Variants in KCNQ1OT1 observed in about 807,000 individuals in gnomAD.
KCNQ1OT1 encodes KCNQ1 antisense RNA 2 (non-protein coding).
At chr11:2,632,851 ACT>A in exon 1 of KCNQ1OT1, 1 of 398,408 alleles carries the variant, frequency 2.5e-6, no homozygotes, top group Non-Finnish European at 4.4e-6. Context: ...CCATATCTTA[ACT>A]GTTGTGAACA....
rs77041520 is a variant in KCNQ1OT1, at chr11:2,686,968, G to C, written n.13027C>G. On this transcript the variant is annotated non_coding_transcript_exon_variant, in exon 1 of 1. Transcript: ENST00000597346. ...ATGCCCAGCTTACCATCCTGATGCA[G>C]AGGCAAGGACAACACTGGGCCCTGA... 5.3e-5 allele frequency: 21 copies of C among 398,560 alleles called. No homozygotes were observed. In the East Asian group the frequency reaches 7.1e-4, roughly 14 times the overall value. The allele number at this position is 398,560 out of a possible 1,614,324, so 24.7% of individuals were successfully genotyped here.
chr11:2,645,952 G>A lies in KCNQ1OT1; in HGVS notation n.54043C>T, dbSNP rs1043106310. 1 of 398,432 alleles carries A rather than the reference G, an allele frequency of 2.5e-6. No homozygotes were observed. The highest frequency in any genetic ancestry group is 2.1e-5 in the African/African-American group (1 of 48,564). The allele number at this position is 398,432 out of a possible 1,614,324, so 24.7% of individuals were successfully genotyped here. A position where few individuals can be genotyped will look rare whatever the true frequency, so the allele number is the denominator to read the frequency against. ...CTCTTGTTAGTCTCAAGGCATCTAT[G>A]GGTCAGGGGGTTCTCTGACTAGGAT... On this transcript the variant is annotated non_coding_transcript_exon_variant, in exon 1 of 1. Transcript: ENST00000597346. This position sits in a 1 kb window ranked among gnomAD's most constrained non-coding sequence, Gnocchi z 5.8.
chr11:2,680,470 GA>G (rs1850377021), exon 1 of KCNQ1OT1: 1 of 398,138 alleles, frequency 2.5e-6, no homozygotes, highest in Admixed American at 4.4e-5. Flanking sequence ...GAGGACTACT[GA>G]TTTTTTTTTA....
chr11:2,689,791 G>A, exon 1 of KCNQ1OT1: 1 of 398,680 alleles, frequency 2.5e-6, no homozygotes, highest in Non-Finnish European at 4.4e-6. Flanking sequence ...GAGGGGAGGG[G>A]AAGCACTGCG....
chr11:2,615,810 T>C, exon 1 of KCNQ1OT1: 1 of 398,116 alleles, frequency 2.5e-6, no homozygotes, highest in Non-Finnish European at 4.4e-6. Flanking sequence ...TAAAAGATTT[T>C]AGTATCTAGT....
At chr11:2,699,817 T>C (rs1355891112) in exon 1 of KCNQ1OT1, 3 of 393,014 alleles carry the variant, frequency 7.6e-6, no homozygotes, top group Non-Finnish European at 1.3e-5. Flanking sequence ...AGAACCACGA[T>C]GACTGACGCA....
exon 1 of KCNQ1OT1, chr11:2,685,572 C>A: frequency 2.5e-6 from 1 of 398,680 alleles, no homozygotes; most frequent in East Asian, 3.6e-5. Context: ...CTTGGCCCTT[C>A]CATACAGCAC....
At chr11:2,648,038 C>T (rs1849693122) in exon 1 of KCNQ1OT1, 1 of 394,400 alleles carries the variant, frequency 2.5e-6, no homozygotes, top group Non-Finnish European at 4.4e-6. Flanking sequence ...ACATGGCAAA[C>T]CCCCATCTCT....
chr11:2,622,740 T>C, exon 1 of KCNQ1OT1: 1 of 398,584 alleles, frequency 2.5e-6, no homozygotes, highest in Non-Finnish European at 4.4e-6. Context: ...TTAGAGCAGT[T>C]TTAGGGTTCC....
chr11:2,615,979 A>C, exon 1 of KCNQ1OT1: 1 of 398,182 alleles, frequency 2.5e-6, no homozygotes, highest in Non-Finnish European at 4.4e-6. Context: ...CAGTGACGCC[A>C]TCTGTGTAGC....
In KCNQ1OT1 at chr11:2,668,789, A is replaced by C; in HGVS notation, n.31206T>G. On this transcript the variant is annotated non_coding_transcript_exon_variant, in exon 1 of 1. Transcript: ENST00000597346. This position sits in a 1 kb window ranked among gnomAD's most constrained non-coding sequence, Gnocchi z 4.3. Reference sequence around the variant, plus strand: ...CTTGATGGTGTCTTTTGATGAACAGAAGGTCTTAATTTTCATGTGGTCCAG... The same window carrying C: ...CTTGATGGTGTCTTTTGATGAACAGCAGGTCTTAATTTTCATGTGGTCCAG... 1 of 398,578 alleles carries C rather than the reference A, an allele frequency of 2.5e-6. No individual in the cohort carries two copies. The highest frequency in any genetic ancestry group is 4.4e-6 in the Non-Finnish European group (1 of 226,058). 24.7% of individuals were successfully genotyped at this position (398,578 alleles called of 1,614,324 possible). A position where few individuals can be genotyped will look rare whatever the true frequency, so the allele number is the denominator to read the frequency against.
chr11:2,611,299 A>G lies in KCNQ1OT1; in HGVS notation n.88696T>C. Reference sequence around the variant, plus strand: ...CAGTGGCGTGACCTTGGCTCACTGCAACCTCTGCCTCCCGGATTCAAGCCG... The same window carrying G: ...CAGTGGCGTGACCTTGGCTCACTGCGACCTCTGCCTCCCGGATTCAAGCCG... On this transcript the variant is annotated non_coding_transcript_exon_variant, in exon 1 of 1. Coordinates refer to ENST00000597346, the Ensembl canonical transcript of KCNQ1OT1. This position sits in a 1 kb window ranked among gnomAD's most constrained non-coding sequence, Gnocchi z 5.3. 1 of 397,466 alleles carries G rather than the reference A, an allele frequency of 2.5e-6. No homozygotes were observed. The highest frequency in any genetic ancestry group is 4.4e-6 in the Non-Finnish European group (1 of 225,936). 24.6% of individuals were successfully genotyped at this position (397,466 alleles called of 1,614,324 possible). A position where few individuals can be genotyped will look rare whatever the true frequency, so the allele number is the denominator to read the frequency against.
chr11:2,668,106 C>G lies in KCNQ1OT1; in HGVS notation n.31889G>C. ...ACACCTTTGTGTCCAATGTCCCTCA[C>G]TCAATTTGATGTCTGGCAGCCTCTC... On this transcript the variant is annotated non_coding_transcript_exon_variant, in exon 1 of 1. Coordinates refer to ENST00000597346, the Ensembl canonical transcript of KCNQ1OT1. The surrounding 1 kb of genome is among the most constrained non-coding windows in gnomAD (Gnocchi z 4.3). 1 of 398,634 alleles carries G rather than the reference C, an allele frequency of 2.5e-6. No individual in the cohort carries two copies. The highest frequency in any genetic ancestry group is 3.6e-5 in the East Asian group (1 of 28,082). The allele number at this position is 398,634 out of a possible 1,614,324, so 24.7% of individuals were successfully genotyped here. A position where few individuals can be genotyped will look rare whatever the true frequency, so the allele number is the denominator to read the frequency against.
chr11:2,646,946 G>A (rs1849675731), exon 1 of KCNQ1OT1: 2 of 398,566 alleles, frequency 5.0e-6, no homozygotes, highest in Non-Finnish European at 8.8e-6. Flanking sequence ...AGGACAATAT[G>A]ACATTCTCTT....
chr11:2,695,205 CT>C lies in KCNQ1OT1; in HGVS notation n.4789del. 2.5e-6 allele frequency: 1 copy of C among 398,634 alleles called. No individual in the cohort carries two copies. Among genetic ancestry groups the C allele is most frequent in the South Asian group, 1.3e-4 (1 of 7,854 alleles). The allele number at this position is 398,634 out of a possible 1,614,324, so 24.7% of individuals were successfully genotyped here. Reference sequence around the variant, plus strand: ...CCTCAGCCTATGAAACACTGTCACCCTGTAAGGGTCTGCATAAAGTCACCGC... The same window carrying C: ...CCTCAGCCTATGAAACACTGTCACCCGTAAGGGTCTGCATAAAGTCACCGC... On this transcript the variant is annotated non_coding_transcript_exon_variant, in exon 1 of 1. Transcript: ENST00000597346. The surrounding 1 kb of genome is among the most constrained non-coding windows in gnomAD (Gnocchi z 5.2).
rs999668590 is a variant in KCNQ1OT1 at position 2,657,043 on chromosome 11, G to C, written n.42952C>G. Reference sequence around the variant, plus strand: ...ACAGCAAGCTTCCATATTTGTGTGGGCTGTTTCCCAATGCTCAATCCTGTC... The same window carrying C: ...ACAGCAAGCTTCCATATTTGTGTGGCCTGTTTCCCAATGCTCAATCCTGTC... On this transcript the variant is annotated non_coding_transcript_exon_variant, in exon 1 of 1. Transcript: ENST00000597346. This position sits in a 1 kb window ranked among gnomAD's most constrained non-coding sequence, Gnocchi z 4.8. 2 of 398,484 alleles carry C rather than the reference G, an allele frequency of 5.0e-6. No homozygotes were observed. Among genetic ancestry groups the C allele is most frequent in the Admixed American group, 8.8e-5 (2 of 22,718 alleles). 24.7% of individuals were successfully genotyped at this position (398,484 alleles called of 1,614,324 possible). A position where few individuals can be genotyped will look rare whatever the true frequency, so the allele number is the denominator to read the frequency against.
rs565522851 is a variant in KCNQ1OT1 at position 2,667,568 on chromosome 11, T to C, written n.32427A>G. On this transcript the variant is annotated non_coding_transcript_exon_variant, in exon 1 of 1. Transcript: ENST00000597346. ...TTGTCATGGAGACACTTCTGGCAGTTGGGGCAGGGGGTCGGGGCGGGGTTG... is the reference window on the plus strand; with the variant it reads ...TTGTCATGGAGACACTTCTGGCAGTCGGGGCAGGGGGTCGGGGCGGGGTTG... 281 of 32,570 alleles carry C rather than the reference T, an allele frequency of 8.6e-3. 2 individuals are homozygous for C. Among genetic ancestry groups the C allele is most frequent in the African/African-American group, 0.031 (260 of 8,506 alleles). The allele number at this position is 32,570 out of a possible 1,614,324, so 2.0% of individuals were successfully genotyped here.
At chr11:2,666,123 CCT>C (rs927570628) in exon 1 of KCNQ1OT1, 33 of 398,588 alleles carry the variant, frequency 8.3e-5, no homozygotes, top group Non-Finnish European at 1.4e-4. Flanking sequence ...CTGAAGGGCC[CCT>C]GTCTCTTCTG....
chr11:2,633,342 A>C, exon 1 of KCNQ1OT1: 1 of 398,436 alleles, frequency 2.5e-6, no homozygotes, highest in Admixed American at 4.4e-5. Flanking sequence ...TTAATAGTTT[A>C]TTATTTCCTT....
Sources: gnomAD v4.1 joint callset for allele counts on GRCh38, gnomAD v4.1.1 for gene constraint, Gnocchi (gnomAD v3.1) non-coding constraint, MANE v1.5 for transcripts, NCBI Gene and HGNC (gene_info 2026-07-23, HGNC 2026-07-21) for gene names.